RGS6: variants seen among roughly 807,000 people sequenced by gnomAD.
The protein encoded by RGS6 is regulator of G protein signaling 6.
A neutral mutation model predicts 78.5 loss-of-function variants in RGS6; 30 were observed. The observed-to-expected ratio is 0.38, with a 90% confidence interval of 0.29 to 0.52. The LOEUF (loss-of-function observed/expected upper bound fraction) is 0.52. Ranked by LOEUF, RGS6 falls within the 20% of genes least tolerant of loss-of-function variation. RGS6 has a pLI of 0.85. For missense variants in RGS6, 495 were observed against 609.7 expected, an observed-to-expected ratio of 0.81 and a Z score of 1.98; for synonymous variants, 206 against 206.0, an observed-to-expected ratio of 1.00 and a Z score of 0.00.
At chr14:71,944,499 A>G (rs977031869) in intron 1 of RGS6, among the ~76,000 whole-genome samples, 2 of 152,190 alleles carry the variant, frequency 1.3e-5, no homozygotes, top group East Asian at 3.8e-4. Context: ...TGGAGAGATG[A>G]TAGGAATAAA....
At chr14:72,066,355 C>T (rs1247178700) in intron 2 of RGS6, among the ~76,000 whole-genome samples, 1 of 152,042 alleles carries the variant, frequency 6.6e-6, no homozygotes, top group Non-Finnish European at 1.5e-5. Context: ...ATATATACCT[C>T]TGTATGTTAC....
At chr14:72,607,807 A>T in the RGS6 span, among the ~76,000 whole-genome samples, 1 of 152,338 alleles carries the variant, frequency 6.6e-6, no homozygotes, top group African/African-American at 2.4e-5. Flanking sequence ...GAATGCGAAC[A>T]TCTCTCCCAC....
chr14:72,038,260 C>T (rs2091987849), intron 2 of RGS6, among the ~76,000 whole-genome samples: 1 of 152,106 alleles, frequency 6.6e-6, no homozygotes, highest in Admixed American at 6.5e-5. Context: ...CTGAGCCACT[C>T]CCGGCCAACC....
chr14:72,598,315 T>C, the RGS6 span, among the ~76,000 whole-genome samples: 18 of 152,302 alleles, frequency 1.2e-4, no homozygotes, highest in African/African-American at 4.3e-4. Context: ...GGGAGTGGAA[T>C]TGGGGACTAG....
At chr14:72,129,309 C>G (rs1178203812) in intron 2 of RGS6, among the ~76,000 whole-genome samples, 2 of 152,216 alleles carry the variant, frequency 1.3e-5, no homozygotes, top group African/African-American at 2.4e-5. Context: ...TCTTTTTCAT[C>G]TGTGCCCTCA....
At chr14:72,500,360 T>A (rs1190031728) in intron 13 of RGS6, among the ~76,000 whole-genome samples, 1 of 152,222 alleles carries the variant, frequency 6.6e-6, no homozygotes, top group Non-Finnish European at 1.5e-5. Context: ...CCCACTTAGT[T>A]GCTGGCAGTG....
chr14:72,259,533 A>G (rs1377057921), intron 2 of RGS6, among the ~76,000 whole-genome samples: 3 of 152,214 alleles, frequency 2.0e-5, no homozygotes, highest in Non-Finnish European at 4.4e-5. Context: ...ACTCTGTACA[A>G]TATTGTTCTA....
At chr14:72,148,875 G>A (rs2096644123) in intron 2 of RGS6, among the ~76,000 whole-genome samples, 1 of 152,192 alleles carries the variant, frequency 6.6e-6, no homozygotes, top group Non-Finnish European at 1.5e-5. Flanking sequence ...TTTTTAAAAG[G>A]TCAAGATGGG....
chr14:72,419,984 T>C (rs117036410), intron 3 of RGS6, among the ~76,000 whole-genome samples: 2 of 152,226 alleles, frequency 1.3e-5, no homozygotes, highest in Admixed American at 6.5e-5. Context: ...CCAGGAAGGC[T>C]GTCGCCATGT....
At chr14:72,497,975 T>G (rs937343202) in intron 13 of RGS6, among the ~76,000 whole-genome samples, 4 of 152,148 alleles carry the variant, frequency 2.6e-5, no homozygotes, top group Admixed American at 6.5e-5. Context: ...CTTTTAGTCT[T>G]TTTATTCTAT....
At position 72,540,071 on chromosome 14, in the gene RGS6, C is replaced by T. The variant is rs774143418; in HGVS notation, c.1399C>T (p.Leu467=). ...AAGTGAGCAAGGTCGTAGAACTTCC[C>T]TAGAAAAGTTCACTCGCAGTGTGGT... is the stretch of plus-strand genomic sequence containing the variant. ...PESEQGRRTS[L]EKFTRSVGKS... Residue 467 remains leucine, a synonymous_variant, in exon 17 of 18, where the codon CTA becomes TTA. Coordinates refer to ENST00000553525, the MANE Select transcript of RGS6 (RefSeq NM_001204424.2). 40 of 1,589,334 alleles carry T rather than the reference C, an allele frequency of 2.5e-5. No individual in the cohort carries two copies. The highest frequency in any genetic ancestry group is 2.5e-5 in the Non-Finnish European group (29 of 1,177,266).
At chr14:72,516,360 T>C (rs985512590) in intron 14 of RGS6, among the ~76,000 whole-genome samples, 2 of 152,072 alleles carry the variant, frequency 1.3e-5, no homozygotes, top group Admixed American at 1.3e-4. Flanking sequence ...ATGCCCCAGC[T>C]CAAGAGTCAA....
In RGS6 at chr14:72,481,833, G is replaced by A. The variant is rs1378122269; in HGVS notation, c.854+3504G>A. 1.4e-4 allele frequency among the ~76,000 whole-genome samples: 20 copies of A among 144,836 alleles called. 1 individual carries two copies. The highest frequency in any genetic ancestry group is 3.0e-5 in the Non-Finnish European group (2 of 66,804). On this transcript the variant is annotated intron_variant, in intron 12 of 17. Transcript: ENST00000553525. The stretch of plus-strand genomic sequence containing the variant: ...TTTTTTTTTTTTTTTTTTTGAGACG[G>A]AGTCTTGCTTTGTTGCCCAGGCTGG...
chr14:72,390,033 G>T (rs749394969), intron 3 of RGS6, among the ~76,000 whole-genome samples: 45 of 150,950 alleles, frequency 3.0e-4, no homozygotes, highest in Non-Finnish European at 6.0e-4. Flanking sequence ...AAAAATAAAC[G>T]GTTCTTTAAA....
chr14:72,121,163 G>A (rs116506795), intron 2 of RGS6, among the ~76,000 whole-genome samples: 1,549 of 152,144 alleles, frequency 0.01, 23 homozygotes, highest in African/African-American at 0.035. Flanking sequence ...CCTCTTCCCT[G>A]CTCAAACCCC....
At chr14:72,132,958 T>C (rs2096359079) in intron 2 of RGS6, among the ~76,000 whole-genome samples, 1 of 152,190 alleles carries the variant, frequency 6.6e-6, no homozygotes, top group Non-Finnish European at 1.5e-5. Context: ...CCATTAGATG[T>C]TTAAATCACG....
chr14:72,381,565 TAAC>T (rs767075185), intron 3 of RGS6, among the ~76,000 whole-genome samples: 167 of 152,172 alleles, frequency 1.1e-3, no homozygotes, highest in Non-Finnish European at 1.9e-3. Context: ...TCTGATAAAA[TAAC>T]AATTAGAATT....
intron 2 of RGS6, among the ~76,000 whole-genome samples, chr14:72,030,850 A>G (rs2090750525): frequency 6.6e-6 from 1 of 152,238 alleles, no homozygotes; most frequent in South Asian, 2.1e-4. Context: ...GACTTAGCTT[A>G]AAACAGGTCA....
chr14:72,423,772 A>G (rs1172087189), intron 3 of RGS6, among the ~76,000 whole-genome samples: 1 of 152,236 alleles, frequency 6.6e-6, no homozygotes, highest in Non-Finnish European at 1.5e-5. Context: ...CCTCAGCGAC[A>G]TGCAATTTAT....
Sources: gnomAD v4.1 joint callset for allele counts (sites outside exome capture counted in the v4.1 genomes callset) on GRCh38, gnomAD v4.1.1 for gene constraint, MANE v1.5 for transcripts, NCBI Gene and HGNC (gene_info 2026-07-23, HGNC 2026-07-21) for gene names.